ZRANB3: variants seen among roughly 807,000 people sequenced by gnomAD.
ZRANB3 encodes DNA annealing helicase and endonuclease ZRANB3.
A neutral mutation model predicts 133.8 loss-of-function variants in ZRANB3; 125 were observed. The ratio of observed to expected loss-of-function variants is 0.93; its 90% CI spans 0.81 to 1.08. The LOEUF is 1.08. ZRANB3 is among the 50% of genes least tolerant of loss of function. ZRANB3 has a pLI of 0.00. For missense variants in ZRANB3, 1,229 were observed against 1,275.5 expected (o/e 0.96, Z 0.56); for synonymous variants, 387 against 432.7 (o/e 0.89, Z 1.31).
In ZRANB3 at chr2:135,224,501, T is replaced by C. The variant is rs149740689; in HGVS notation, c.2175A>G (p.Ser725=). The C allele has an allele frequency of 1.2e-5, 20 of 1,612,890 alleles. No individual in the cohort carries two copies. The East Asian group carries it at 4.5e-4, about 36-fold the overall frequency. The change falls in exon 15 of 21, where the codon TCA becomes TCG. Residue 725 remains serine (S), a synonymous_variant. Transcript: ENST00000264159. ...SQPGNEQWKS[S]DTLPVYDTLM... ...AGGTGTCATACACTGGCAAAGTGTC[T>C]GAACTCTTCCACTGTTCTATTAAAG...
At chr2:135,520,275 A>C (rs986519048) in intron 1 of ZRANB3, among the ~76,000 whole-genome samples, 3 of 151,950 alleles carry the variant, frequency 2.0e-5, no homozygotes, top group Admixed American at 6.6e-5. Context: ...CCTTGCCTGT[A>C]ATCACAGCTA....
intron 3 of ZRANB3, among the ~76,000 whole-genome samples, chr2:135,362,650 T>A (rs1273709479): frequency 3.9e-5 from 6 of 152,146 alleles, no homozygotes; most frequent in Admixed American, 3.3e-4. Flanking sequence ...AGCAAATATA[T>A]GCCCCTTTTT....
chr2:135,261,576 T>C (rs969472519), intron 12 of ZRANB3, among the ~76,000 whole-genome samples: 1 of 152,206 alleles, frequency 6.6e-6, no homozygotes, highest in African/African-American at 2.4e-5. Context: ...GAAAGACACA[T>C]ACCTAACTCA....
intron 2 of ZRANB3, among the ~76,000 whole-genome samples, chr2:135,445,707 C>A (rs1689990035): frequency 6.8e-6 from 1 of 147,940 alleles, no homozygotes; most frequent in South Asian, 2.1e-4. Flanking sequence ...GAAACCCTGT[C>A]TCTACTAAAA....
intron 6 of ZRANB3, among the ~76,000 whole-genome samples, chr2:135,326,015 C>G (rs1211603134): frequency 6.6e-6 from 1 of 151,952 alleles, no homozygotes; most frequent in Admixed American, 6.6e-5. Flanking sequence ...ATAAATAAAA[C>G]AAGGAAATAA....
chr2:135,397,249 C>T (rs1574034719), intron 2 of ZRANB3, among the ~76,000 whole-genome samples: 1 of 151,898 alleles, frequency 6.6e-6, no homozygotes, highest in Admixed American at 6.6e-5. Flanking sequence ...CTGAGACCAA[C>T]GTGGGCAACA....
At chr2:135,309,216 C>T (rs188185842) in intron 8 of ZRANB3, among the ~76,000 whole-genome samples, 41 of 151,434 alleles carry the variant, frequency 2.7e-4, no homozygotes, top group Admixed American at 1.1e-3. Flanking sequence ...CTCCTGACCT[C>T]GTGATCTGCC....
intron 6 of ZRANB3, among the ~76,000 whole-genome samples, chr2:135,329,479 A>C (rs938817069): frequency 4.6e-5 from 7 of 152,208 alleles, no homozygotes; most frequent in African/African-American, 1.7e-4. Context: ...GCATAGTTTG[A>C]AGCCAGGTGG....
At chr2:135,482,851 T>C (rs371019876) in intron 2 of ZRANB3, among the ~76,000 whole-genome samples, 144 of 152,200 alleles carry the variant, frequency 9.5e-4, no homozygotes, top group African/African-American at 3.3e-3. Context: ...TGTCAAAGGC[T>C]TTTTCTGCAT....
chr2:135,413,742 T>C (rs1461434221), intron 2 of ZRANB3, among the ~76,000 whole-genome samples: 1 of 152,180 alleles, frequency 6.6e-6, no homozygotes, highest in Non-Finnish European at 1.5e-5. Flanking sequence ...TCCACAGGTT[T>C]TGTATCTGTG....
intron 2 of ZRANB3, among the ~76,000 whole-genome samples, chr2:135,401,572 G>A (rs1225688750): frequency 6.6e-6 from 1 of 152,170 alleles, no homozygotes; most frequent in Non-Finnish European, 1.5e-5. Context: ...TGTGGCCAAT[G>A]AGGCCTTAGT....
chr2:135,393,876 TA>T, intron 2 of ZRANB3, among the ~76,000 whole-genome samples: 1 of 152,040 alleles, frequency 6.6e-6, no homozygotes, highest in Non-Finnish European at 1.5e-5. Context: ...CTTTTTTTTT[TA>T]GATGGAGTCT....
At chr2:135,395,917 C>T (rs1324747502) in intron 2 of ZRANB3, among the ~76,000 whole-genome samples, 2 of 152,096 alleles carry the variant, frequency 1.3e-5, no homozygotes, top group Non-Finnish European at 2.9e-5. Context: ...GCAAACTATC[C>T]ATCTGACAAG....
chr2:135,505,478 G>A (rs1389327060), intron 1 of ZRANB3, among the ~76,000 whole-genome samples: 2 of 151,994 alleles, frequency 1.3e-5, no homozygotes, highest in South Asian at 2.1e-4. Flanking sequence ...GGAGCCTAAG[G>A]CAGAAGAATC....
chr2:135,431,940 G>C (rs1689342973), intron 2 of ZRANB3, among the ~76,000 whole-genome samples: 1 of 152,062 alleles, frequency 6.6e-6, no homozygotes, highest in African/African-American at 2.4e-5. Context: ...GTGAGCCGAG[G>C]TAAAGGCTTA....
Position 135,228,097 on chromosome 2 carries a change from T to C in ZRANB3, c.1955-82A>G, listed in dbSNP as rs558235459. The C allele has an allele frequency of 7.5e-6, 9 of 1,192,686 alleles. No individual in the cohort carries two copies. The African/African-American group carries it at 9.3e-5, about 12-fold the overall frequency. 73.9% of individuals were successfully genotyped at this position (1,192,686 alleles called of 1,614,324 possible). A position where few individuals can be genotyped will look rare whatever the true frequency, so the allele number is the denominator to read the frequency against. On this transcript the variant is annotated intron_variant, in intron 13 of 20. Coordinates refer to ENST00000264159, the MANE Select transcript of ZRANB3 (RefSeq NM_032143.4). ...AAAAGAATGTAACAGTTAGGTCTTA[T>C]AAAAAGAAAGTGAATAATGTTTATT...
chr2:135,480,612 TTTA>T (rs913384726), intron 2 of ZRANB3, among the ~76,000 whole-genome samples: 8 of 151,698 alleles, frequency 5.3e-5, no homozygotes, highest in Admixed American at 6.6e-5. Flanking sequence ...TTTTTAATCT[TTTA>T]TTATTATTAT....
At chr2:135,509,293 A>G (rs1267326682) in intron 1 of ZRANB3, among the ~76,000 whole-genome samples, 2 of 152,194 alleles carry the variant, frequency 1.3e-5, no homozygotes, top group Non-Finnish European at 2.9e-5. Context: ...ATGCTGAACC[A>G]TTTAGGTCAA....
rs554931885 is a variant in ZRANB3 at position 135,335,692 on chromosome 2, C to CAAACAAAACAAAACAAAACA, written c.677+9838_677+9857dup. Among the ~76,000 whole-genome samples the CAAACAAAACAAAACAAAACA allele has an allele frequency of 2.6e-3, 391 of 151,816 alleles. 2 individuals are homozygous for CAAACAAAACAAAACAAAACA. Among genetic ancestry groups the CAAACAAAACAAAACAAAACA allele is most frequent in the African/African-American group, 8.9e-3 (366 of 41,278 alleles). On this transcript the variant is annotated intron_variant, in intron 6 of 20. Transcript: ENST00000264159. ...CAGGCAAAAGAGCAAGACTCTGTCT[C>CAAACAAAACAAAACAAAACA]AAACAAAACAAAACAAAACAAAACA...
Sources: gnomAD v4.1 joint callset for allele counts (sites outside exome capture counted in the v4.1 genomes callset) on GRCh38, gnomAD v4.1.1 for gene constraint, MANE v1.5 for transcripts, NCBI Gene and HGNC (gene_info 2026-07-23, HGNC 2026-07-21) for gene names.